ATXN7: variants seen among roughly 807,000 people sequenced by gnomAD.
The protein encoded by ATXN7 is ataxin-7.
In ATXN7, 12 loss-of-function variants were observed where a neutral mutation model predicts 70.5. The ratio of observed to expected loss-of-function variants is 0.17; its 90% CI spans 0.11 to 0.28. The LOEUF is 0.28. Among genes scored for constraint, ATXN7 ranks in the 10% least tolerant of loss-of-function variants. The probability of loss-of-function intolerance (pLI) is 1.00; values close to 1 mark genes in which losing one functional copy is unlikely to be tolerated. For synonymous variants in ATXN7, 498 were observed against 448.7 expected (o/e 1.11, Z -1.39); for missense variants, 1,256 against 1,131.7 (o/e 1.11, Z -1.58).
chr3:63,919,839 G>A (rs1326512711), intron 4 of ATXN7, among the ~76,000 whole-genome samples: 4 of 144,634 alleles, frequency 2.8e-5, no homozygotes, highest in Non-Finnish European at 4.5e-5. Context: ...CACGAATAGC[G>A]CTGTTATTGC....
chr3:63,970,137 T>C (rs1422224391), intron 5 of ATXN7, among the ~76,000 whole-genome samples: 1 of 152,198 alleles, frequency 6.6e-6, no homozygotes, highest in African/African-American at 2.4e-5. Flanking sequence ...TTGTGTGGTA[T>C]CTGTAGTCAG....
At chr3:63,996,617 TAAAAAAAAAAAAAAAA>T in intron 12 of ATXN7, 134 bp downstream of exon 12, 1 of 201,462 alleles carries the variant, frequency 5.0e-6, no homozygotes, top group South Asian at 7.9e-5. Flanking sequence ...GGTGTCTTCT[TAAAAAAAAAAAAAAAA>T]AAAAAAAAGG....
chr3:63,993,328 C>CTTA (rs1181903895), intron 11 of ATXN7, among the ~76,000 whole-genome samples: 1 of 132,450 alleles, frequency 7.6e-6, no homozygotes, highest in East Asian at 2.2e-4. Context: ...AATCACTGGG[C>CTTA]TTAAAAAAGG....
intron 12 of ATXN7, chr3:63,996,776 A>G (rs1340123413): frequency 4.8e-6 from 2 of 417,620 alleles, no homozygotes; most frequent in African/African-American, 4.0e-5. Context: ...GTGACAGCAA[A>G]ATCATAATTG....
intron 11 of ATXN7, among the ~76,000 whole-genome samples, chr3:63,993,490 A>T (rs1428365240): frequency 6.6e-6 from 1 of 151,662 alleles, no homozygotes; most frequent in African/African-American, 2.4e-5. Flanking sequence ...AGAGGCATAC[A>T]TTGAAAACCG....
intron 1 of ATXN7, among the ~76,000 whole-genome samples, chr3:63,871,245 A>G (rs1385053528): frequency 6.6e-6 from 1 of 152,236 alleles, no homozygotes; most frequent in Non-Finnish European, 1.5e-5. Context: ...CAGTAAATAC[A>G]GTATAAGAGG....
At chr3:63,890,657 A>G (rs1357456053) in intron 1 of ATXN7, among the ~76,000 whole-genome samples, 2 of 152,252 alleles carry the variant, frequency 1.3e-5, no homozygotes, top group East Asian at 1.9e-4. Flanking sequence ...TATACCTTCA[A>G]TAAATTGTAG....
chr3:63,958,453 C>T (rs1336472394), intron 5 of ATXN7, among the ~76,000 whole-genome samples: 4 of 152,114 alleles, frequency 2.6e-5, no homozygotes, highest in Non-Finnish European at 5.9e-5. Context: ...TGCTGGTTCT[C>T]ATTGTTGACA....
intron 5 of ATXN7, among the ~76,000 whole-genome samples, chr3:63,975,299 G>A (rs1006824173): frequency 5.3e-5 from 8 of 152,018 alleles, no homozygotes; most frequent in African/African-American, 1.7e-4. Context: ...CTTTATTTTG[G>A]CATGTGTAAA....
Position 63,999,708 on chromosome 3 carries a change from T to G in ATXN7, c.*241T>G. ...TCAGCCACCGAATTGCTTTTATCAG[T>G]GTTAAAGTGGTCTGAACTGCTTGCT... On this transcript the variant is annotated 3_prime_UTR_variant, in exon 13 of 13. Transcript: ENST00000674280. 1 of 696,980 alleles carries G rather than the reference T, an allele frequency of 1.4e-6. No homozygotes were observed. The highest frequency in any genetic ancestry group is 1.8e-5 in the South Asian group (1 of 55,036). 43.2% of individuals were successfully genotyped at this position (696,980 alleles called of 1,614,324 possible).
chr3:63,985,579 G>A (rs1053783003), intron 8 of ATXN7, among the ~76,000 whole-genome samples: 20 of 152,162 alleles, frequency 1.3e-4, no homozygotes, highest in Non-Finnish European at 2.4e-4. Context: ...CCAAGTTGCT[G>A]CCAGGTCTCT....
intron 1 of ATXN7, among the ~76,000 whole-genome samples, chr3:63,881,405 A>G (rs1276035584): frequency 6.6e-6 from 1 of 152,056 alleles, no homozygotes; most frequent in Non-Finnish European, 1.5e-5. Context: ...AGTTGGGTCT[A>G]GAAGCAGCCA....
chr3:63,939,982 G>T (rs537286707), intron 4 of ATXN7, among the ~76,000 whole-genome samples: 1 of 152,142 alleles, frequency 6.6e-6, no homozygotes, highest in East Asian at 1.9e-4. Flanking sequence ...AAAATCAGCA[G>T]TGATTCTTCA....
At position 63,912,714 on chromosome 3, in the gene ATXN7, A is replaced by AGCAGCAGCAGCCGCAGCAGCC; in HGVS notation, c.118_119insAGCAGCAGCCGCAGCAGCCGC (p.Gln39_Pro40insGlnGlnGlnProGlnGlnPro). On this transcript the variant is annotated inframe_insertion, in exon 3 of 13. Transcript: ENST00000674280. ...CAGCAGCAGCAGCAGCAGCAGCAGC[A>AGCAGCAGCAGCCGCAGCAGCC]GCCGCCGCCTCCGCAGCCCCAGCGG... 1 of 1,212,584 alleles carries AGCAGCAGCAGCCGCAGCAGCC rather than the reference A, an allele frequency of 8.2e-7. No individual in the cohort carries two copies. 75.1% of individuals were successfully genotyped at this position (1,212,584 alleles called of 1,614,324 possible). A position where few individuals can be genotyped will look rare whatever the true frequency, so the allele number is the denominator to read the frequency against.
intron 5 of ATXN7, among the ~76,000 whole-genome samples, chr3:63,976,107 T>G (rs2075383865): frequency 6.6e-6 from 1 of 152,198 alleles, no homozygotes. Flanking sequence ...GCCACCACTT[T>G]GTCCACTTAA....
In ATXN7 at chr3:63,976,227, T is replaced by C. The variant is rs2075385535; in HGVS notation, c.500-3688T>C. Among the ~76,000 whole-genome samples the C allele has an allele frequency of 2.0e-5, 3 of 152,178 alleles. No homozygotes were observed. In the South Asian group the frequency reaches 6.2e-4, roughly 31 times the overall value. On this transcript the variant is annotated intron_variant, in intron 5 of 12. Coordinates refer to ENST00000674280, the MANE Select transcript of ATXN7 (RefSeq NM_001377405.1). ...TTAAAATCCTGTGAAAAATAAGAGC[T>C]CAGTGAAAGGATAAGGGGAGTCCAA...
At chr3:63,906,063 C>T (rs1169356491) in intron 2 of ATXN7, among the ~76,000 whole-genome samples, 1 of 152,180 alleles carries the variant, frequency 6.6e-6, no homozygotes, top group Non-Finnish European at 1.5e-5. Flanking sequence ...GGACAGGTAA[C>T]TGTATTCATT....
intron 2 of ATXN7, chr3:63,911,529 C>T (rs1284393776): frequency 6.6e-6 from 1 of 152,154 alleles, no homozygotes; most frequent in African/African-American, 2.4e-5. Flanking sequence ...AAAAATGAAT[C>T]AGATTTTTAC....
chr3:63,941,759 A>T (rs765068864), intron 4 of ATXN7, among the ~76,000 whole-genome samples: 3 of 152,022 alleles, frequency 2.0e-5, no homozygotes, highest in Non-Finnish European at 2.9e-5. Flanking sequence ...AGGGAAATCC[A>T]GTTATCTTTA....
Sources: gnomAD v4.1 joint callset for allele counts (sites outside exome capture counted in the v4.1 genomes callset) on GRCh38, gnomAD v4.1.1 for gene constraint, MANE v1.5 for transcripts, NCBI Gene and HGNC (gene_info 2026-07-23, HGNC 2026-07-21) for gene names.